Variants in STK32B observed in about 807,000 individuals in gnomAD.
STK32B encodes the protein serine/threonine kinase 32B.
Under a neutral mutation model 52.6 loss-of-function variants are expected in STK32B, and 43 were observed. The observed-to-expected ratio is 0.82, with a 90% CI of 0.64 to 1.05. STK32B has a LOEUF of 1.05. STK32B is among the 50% of genes least tolerant of loss of function. The pLI is 0.00. For synonymous variants in STK32B, 238 were observed against 204.3 expected (o/e 1.17, Z -1.41); for missense variants, 621 against 534.6 (o/e 1.16, Z -1.59).
intron 3 of STK32B, among the ~76,000 whole-genome samples, chr4:5,312,295 T>TTTA (rs143595301): frequency 0.11 from 16,433 of 151,140 alleles, 2,259 homozygotes; most frequent in African/African-American, 0.33. Flanking sequence ...CTTTTTTTAT[T>TTTA]TTGTTATTAT....
At chr4:5,253,155 T>C (rs770142328) in intron 3 of STK32B, among the ~76,000 whole-genome samples, 2 of 152,024 alleles carry the variant, frequency 1.3e-5, no homozygotes, top group East Asian at 1.9e-4. Context: ...TCCAGGAGCA[T>C]TGGGTTGATC....
intron 6 of STK32B, among the ~76,000 whole-genome samples, chr4:5,444,527 G>T (rs1184840021): frequency 6.6e-6 from 1 of 152,188 alleles, no homozygotes; most frequent in Non-Finnish European, 1.5e-5. Context: ...GATGAACCCG[G>T]TACCTCAGAT....
intron 3 of STK32B, among the ~76,000 whole-genome samples, chr4:5,183,664 G>A (rs538377558): frequency 8.2e-4 from 125 of 152,240 alleles, no homozygotes; most frequent in African/African-American, 2.8e-3. Context: ...TAAGTGTAAG[G>A]CTGTTTTGTT....
chr4:5,321,494 C>T (rs1185708158), intron 3 of STK32B, among the ~76,000 whole-genome samples: 1 of 152,128 alleles, frequency 6.6e-6, no homozygotes, highest in African/African-American at 2.4e-5. Flanking sequence ...GCTTTCTTTC[C>T]ACTGCTAAGG....
chr4:5,097,599 G>A (rs1360849636), intron 1 of STK32B, among the ~76,000 whole-genome samples: 1 of 152,182 alleles, frequency 6.6e-6, no homozygotes, highest in Non-Finnish European at 1.5e-5. Context: ...CAGAAGCTTG[G>A]TTCTTTTCAT....
intron 3 of STK32B, among the ~76,000 whole-genome samples, chr4:5,265,968 T>C (rs1429340725): frequency 1.3e-5 from 2 of 152,238 alleles, no homozygotes; most frequent in Non-Finnish European, 2.9e-5. Flanking sequence ...TATTAAATTA[T>C]GAGCATCTTT....
intron 1 of STK32B, among the ~76,000 whole-genome samples, chr4:5,129,590 C>T (rs894617516): frequency 2.0e-5 from 3 of 152,130 alleles, no homozygotes; most frequent in Non-Finnish European, 4.4e-5. Context: ...ATAATTTTGT[C>T]AATTTTGGGG....
At chr4:5,384,135 T>G (rs1348986113) in intron 4 of STK32B, among the ~76,000 whole-genome samples, 1 of 149,266 alleles carries the variant, frequency 6.7e-6, no homozygotes, top group East Asian at 2.0e-4. Flanking sequence ...ACGAAGTGAG[T>G]GGAAGGAGGA....
chr4:5,262,498 G>A (rs920159427), intron 3 of STK32B, among the ~76,000 whole-genome samples: 18 of 151,866 alleles, frequency 1.2e-4, no homozygotes, highest in African/African-American at 3.9e-4. Flanking sequence ...GGTGGCGGGC[G>A]CCTGTAGTCC....
intron 3 of STK32B, among the ~76,000 whole-genome samples, chr4:5,279,793 A>C (rs1269151822): frequency 1.3e-5 from 2 of 152,206 alleles, no homozygotes; most frequent in African/African-American, 4.8e-5. Context: ...CGTGGAAGCC[A>C]CCGAGGCTGG....
At position 5,316,225 on chromosome 4, in the gene STK32B, A is replaced by ATATATACAATATTATATATTG. The variant is rs1270410324; in HGVS notation, c.261-14988_261-14968dup. 2.3e-4 allele frequency among the ~76,000 whole-genome samples: 16 copies of ATATATACAATATTATATATTG among 69,012 alleles called. 2 individuals are homozygous for ATATATACAATATTATATATTG. In the East Asian group the frequency reaches 5.8e-3, roughly 25 times the overall value. 45.3% of individuals were successfully genotyped at this position (69,012 alleles called of 152,430 possible). ...TATAATATATATTACATAATATATT[A>ATATATACAATATTATATATTG]TATATACAATATTATATATTGTATA... is the stretch of plus-strand genomic sequence containing the variant. On this transcript the variant is annotated intron_variant, in intron 3 of 11. Coordinates refer to ENST00000282908, the MANE Select transcript of STK32B (RefSeq NM_018401.3).
chr4:5,483,325 T>C (rs906049209), intron 11 of STK32B, among the ~76,000 whole-genome samples: 1 of 151,794 alleles, frequency 6.6e-6, no homozygotes, highest in African/African-American at 2.4e-5. Flanking sequence ...GGAGAGTGTA[T>C]GTGTCCAGGA....
At chr4:5,373,519 G>T (rs1034519054) in intron 4 of STK32B, among the ~76,000 whole-genome samples, 1 of 152,198 alleles carries the variant, frequency 6.6e-6, no homozygotes, top group African/African-American at 2.4e-5. Context: ...GCCTTCAACT[G>T]ATCGGACAAG....
chr4:5,295,764 TCTC>T (rs1161964119), intron 3 of STK32B, among the ~76,000 whole-genome samples: 2 of 152,162 alleles, frequency 1.3e-5, no homozygotes, highest in Non-Finnish European at 2.9e-5. Context: ...CATGTCTCTA[TCTC>T]CTTCATTTCT....
chr4:5,142,634 GT>G (rs1425296439), intron 2 of STK32B, among the ~76,000 whole-genome samples: 2 of 152,180 alleles, frequency 1.3e-5, no homozygotes, highest in African/African-American at 2.4e-5. Flanking sequence ...ATTAGACACT[GT>G]TTTCCTGACA....
chr4:5,171,776 G>A (rs1402014273), intron 3 of STK32B, among the ~76,000 whole-genome samples: 2 of 148,776 alleles, frequency 1.3e-5, no homozygotes, highest in South Asian at 2.2e-4. Flanking sequence ...GCTTAGGATT[G>A]ACTTGGCAAT....
At chr4:5,464,165 C>A (rs1717247257) in intron 9 of STK32B, among the ~76,000 whole-genome samples, 1 of 152,218 alleles carries the variant, frequency 6.6e-6, no homozygotes, top group African/African-American at 2.4e-5. Flanking sequence ...AGCTCACTCA[C>A]TATTGTGAGG....
chr4:5,449,205 TG>T (rs919990079), intron 7 of STK32B, among the ~76,000 whole-genome samples: 10 of 152,202 alleles, frequency 6.6e-5, no homozygotes, highest in Admixed American at 4.6e-4. Context: ...TATCCTGGCA[TG>T]GTGGCGGGTG....
intron 3 of STK32B, among the ~76,000 whole-genome samples, chr4:5,178,798 A>T (rs996566391): frequency 6.6e-6 from 1 of 152,170 alleles, no homozygotes; most frequent in African/African-American, 2.4e-5. Context: ...AGACTACATC[A>T]GCCTGGACTT....
Sources: allele counts gnomAD v4.1 joint callset (sites outside exome capture counted in the v4.1 genomes callset), GRCh38; gene constraint gnomAD v4.1.1; transcripts MANE v1.5; gene names NCBI Gene and HGNC (gene_info 2026-07-23, HGNC 2026-07-21).